SLC39A11: variants seen among roughly 807,000 people sequenced by gnomAD.
SLC39A11 encodes solute carrier family 39 member 11, also known as zinc transporter ZIP11.
A neutral mutation model predicts 36.1 loss-of-function variants in SLC39A11; 33 were observed. The ratio of observed to expected loss-of-function variants is 0.91; its 90% CI spans 0.69 to 1.22. SLC39A11 has a LOEUF of 1.22. Ranked by LOEUF, SLC39A11 falls within the 50% of genes most tolerant of loss-of-function variation. The pLI, the probability that SLC39A11 is intolerant of heterozygous loss-of-function variation, is 0.00. For synonymous variants in SLC39A11, 166 were observed against 170.3 expected (o/e 0.97, Z 0.20); for missense variants, 432 against 430.3 (o/e 1.00, Z -0.03).
chr17:72,835,452 G>A (rs1162568928), intron 6 of SLC39A11, among the ~76,000 whole-genome samples: 2 of 152,048 alleles, frequency 1.3e-5, no homozygotes, highest in Non-Finnish European at 2.9e-5. Context: ...TGTGTTCTAG[G>A]AACCACAATA....
intron 7 of SLC39A11, among the ~76,000 whole-genome samples, chr17:72,732,040 CTT>C (rs764728558): frequency 5.3e-4 from 18 of 33,662 alleles, no homozygotes; most frequent in African/African-American, 1.5e-3. Flanking sequence ...CTTTTCTTTT[CTT>C]TTTTTTTTTT....
intron 6 of SLC39A11, among the ~76,000 whole-genome samples, chr17:72,794,887 G>A (rs1314104424): frequency 6.6e-6 from 1 of 152,064 alleles, no homozygotes; most frequent in African/African-American, 2.4e-5. Context: ...TCAGGGATGG[G>A]GAAAGAAAGG....
At position 72,999,031 on chromosome 17, in the gene SLC39A11, G is replaced by A. The variant is rs554879096; in HGVS notation, c.306+32525C>T. Among the ~76,000 whole-genome samples the A allele has an allele frequency of 9.9e-5, 15 of 152,258 alleles. 1 individual carries two copies. In the East Asian group the frequency reaches 2.9e-3, roughly 29 times the overall value. ...GCAGAACAATGACCAGGACAAGGAC[G>A]ATGACAATGAAGATGGTGATGATTC... On this transcript the variant is annotated intron_variant, in intron 4 of 9. Coordinates refer to ENST00000255559, the MANE Select transcript of SLC39A11 (RefSeq NM_139177.4).
At chr17:72,998,893 GT>G (rs2089667448) in intron 4 of SLC39A11, among the ~76,000 whole-genome samples, 1 of 152,234 alleles carries the variant, frequency 6.6e-6, no homozygotes, top group African/African-American at 2.4e-5. Context: ...AGCCACAGAG[GT>G]GGGGTCAGAT....
chr17:72,690,839 G>C (rs1373865124), intron 7 of SLC39A11, among the ~76,000 whole-genome samples: 1 of 152,148 alleles, frequency 6.6e-6, no homozygotes, highest in East Asian at 1.9e-4. Context: ...CAGGGCTCCT[G>C]GTGTGCCCGA....
At chr17:72,866,293 T>A (rs1442729386) in intron 5 of SLC39A11, among the ~76,000 whole-genome samples, 1 of 152,210 alleles carries the variant, frequency 6.6e-6, no homozygotes, top group Non-Finnish European at 1.5e-5. Flanking sequence ...GATCTGTCAC[T>A]GCCTCCCATT....
chr17:72,730,650 T>G (rs1419263706), intron 7 of SLC39A11, among the ~76,000 whole-genome samples: 15 of 152,178 alleles, frequency 9.9e-5, no homozygotes, highest in African/African-American at 3.6e-4. Flanking sequence ...GTTGTCCTTT[T>G]AGATTCACTA....
intron 4 of SLC39A11, among the ~76,000 whole-genome samples, chr17:73,006,768 A>G (rs960024795): frequency 1.2e-4 from 18 of 152,300 alleles, no homozygotes; most frequent in African/African-American, 3.8e-4. Flanking sequence ...ATCACACTGC[A>G]GACAGTACGT....
intron 4 of SLC39A11, among the ~76,000 whole-genome samples, chr17:73,011,375 A>G (rs2090506079): frequency 1.3e-5 from 2 of 152,188 alleles, no homozygotes; most frequent in South Asian, 4.1e-4. Flanking sequence ...TCTGGGAAGC[A>G]CTCTATGAAA....
intron 5 of SLC39A11, among the ~76,000 whole-genome samples, chr17:72,925,314 T>C (rs552894416): frequency 3.9e-5 from 6 of 152,210 alleles, no homozygotes; most frequent in Non-Finnish European, 8.8e-5. Flanking sequence ...ATTCCATGAT[T>C]ACATGCGAAT....
intron 3 of SLC39A11, chr17:73,068,165 G>T (rs182688950): frequency 2.4e-6 from 3 of 1,268,042 alleles, no homozygotes; most frequent in African/African-American, 3.0e-5. Flanking sequence ...CTCTGTTCCC[G>T]GAGAAACTGC....
chr17:72,973,430 C>A (rs953292328), intron 4 of SLC39A11, among the ~76,000 whole-genome samples: 1 of 152,126 alleles, frequency 6.6e-6, no homozygotes, highest in Non-Finnish European at 1.5e-5. Context: ...GACAACCTCC[C>A]TGATGACTTT....
intron 5 of SLC39A11, among the ~76,000 whole-genome samples, chr17:72,888,459 T>C (rs1291938651): frequency 1.3e-5 from 2 of 152,228 alleles, no homozygotes; most frequent in Non-Finnish European, 2.9e-5. Context: ...AACAGTTGCC[T>C]GCATTTATCT....
chr17:72,951,587 T>A (rs977600631), intron 4 of SLC39A11, among the ~76,000 whole-genome samples: 2 of 152,140 alleles, frequency 1.3e-5, no homozygotes, highest in Non-Finnish European at 2.9e-5. Flanking sequence ...AAACCCATCA[T>A]GATAAACTAA....
chr17:73,003,471 A>G (rs563165156), intron 4 of SLC39A11, among the ~76,000 whole-genome samples: 2 of 152,294 alleles, frequency 1.3e-5, no homozygotes. Flanking sequence ...AAGGGATGAG[A>G]CTAGCACCTG....
chr17:73,021,545 T>C (rs2058353034), intron 4 of SLC39A11, among the ~76,000 whole-genome samples: 2 of 152,132 alleles, frequency 1.3e-5, no homozygotes, highest in Non-Finnish European at 2.9e-5. Context: ...TTTCACCATG[T>C]TGGCCAGGCT....
At chr17:72,771,055 T>C (rs1376792679) in intron 6 of SLC39A11, among the ~76,000 whole-genome samples, 3 of 142,830 alleles carry the variant, frequency 2.1e-5, no homozygotes, top group Non-Finnish European at 4.5e-5. Flanking sequence ...ACCATTTCTA[T>C]ACTTTTTTTT....
chr17:72,881,288 A>C (rs2081187621), intron 5 of SLC39A11, among the ~76,000 whole-genome samples: 1 of 152,228 alleles, frequency 6.6e-6, no homozygotes. Flanking sequence ...ATGGATAAAG[A>C]AATTTGGTAT....
intron 3 of SLC39A11, among the ~76,000 whole-genome samples, chr17:73,067,199 G>A (rs889610803): frequency 6.6e-6 from 1 of 152,188 alleles, no homozygotes; most frequent in Non-Finnish European, 1.5e-5. Flanking sequence ...ACATTTAGCT[G>A]GGCAAGCTGC....
Sources: allele counts gnomAD v4.1 joint callset (sites outside exome capture counted in the v4.1 genomes callset), GRCh38; gene constraint gnomAD v4.1.1; transcripts MANE v1.5; gene names NCBI Gene and HGNC (gene_info 2026-07-23, HGNC 2026-07-21).